PARP4: variants seen among roughly 807,000 people sequenced by gnomAD.
PARP4 encodes protein mono-ADP-ribosyltransferase PARP4.
In PARP4, 120 loss-of-function variants were observed where a neutral mutation model predicts 187.7. The observed-to-expected ratio is 0.64, with a 90% CI of 0.55 to 0.74. The LOEUF (loss-of-function observed/expected upper bound fraction) is 0.74, where lower values mean the gene tolerates loss of function less well. PARP4 is among the 30% of genes least tolerant of loss of function. The pLI is 0.00. For missense variants in PARP4, 1,836 were observed against 2,070.5 expected (o/e 0.89, Z 2.20); for synonymous variants, 654 against 740.9 (o/e 0.88, Z 1.90).
At position 24,469,901 on chromosome 13, in the gene PARP4, A is replaced by T; in HGVS notation, c.2039T>A (p.Val680Asp). The change falls in exon 16 of 34, where the codon GTT (valine) becomes GAT (aspartate). Residue 680 changes from valine to aspartate, a missense_variant. This residue lies in a region of PARP4 where 1,147 missense variants were observed against 1,214.2 expected (regional missense o/e 0.94). Coordinates refer to ENST00000381989, the MANE Select transcript of PARP4 (RefSeq NM_006437.4). ...TGCATCTTCTTGCCTTACCTCTCCAACTATGTGCTTCCCATTGATGAAGGC... is the reference window on the plus strand; with the variant it reads ...TGCATCTTCTTGCCTTACCTCTCCATCTATGTGCTTCCCATTGATGAAGGC... ...FEAFINGKHI[V>D]GEIKEKEEAQ... 1 of 1,613,440 alleles carries T rather than the reference A, an allele frequency of 6.2e-7. No homozygotes were observed. The highest frequency in any genetic ancestry group is 8.5e-7 in the Non-Finnish European group (1 of 1,179,598).
intron 9 of PARP4, among the ~76,000 whole-genome samples, chr13:24,491,304 T>C (rs1204866849): frequency 1.3e-5 from 2 of 152,120 alleles, no homozygotes; most frequent in East Asian, 3.9e-4. Context: ...GTATTTTTAA[T>C]AGAGATGGGG....
At chr13:24,511,803 C>G (rs1399020257) in intron 1 of PARP4, among the ~76,000 whole-genome samples, 1 of 152,238 alleles carries the variant, frequency 6.6e-6, no homozygotes, top group Admixed American at 6.5e-5. Flanking sequence ...CCCAGGATTA[C>G]AGAAAAGCCT....
At position 24,475,602 on chromosome 13, in the gene PARP4, C is replaced by A. The variant is rs544699127; in HGVS notation, c.1790-6G>T. ...GGCATCTGGTAACTGGTAATCTAAA[C>A]GTTAAAAATGTTACTATTAGCTTTC... On this transcript the variant is annotated splice_region_variant and splice_polypyrimidine_tract_variant and intron_variant, in intron 14 of 33. Coordinates refer to ENST00000381989, the MANE Select transcript of PARP4 (RefSeq NM_006437.4). The A allele has an allele frequency of 1.2e-6, 2 of 1,613,550 alleles. No homozygotes were observed. Among genetic ancestry groups the A allele is most frequent in the Admixed American group, 1.7e-5 (1 of 59,970 alleles).
chr13:24,447,469 T>TC (rs1222979039), intron 25 of PARP4, among the ~76,000 whole-genome samples: 1 of 152,236 alleles, frequency 6.6e-6, no homozygotes, highest in African/African-American at 2.4e-5. Flanking sequence ...CAAGTGATTT[T>TC]CCTGCCTCAG....
intron 15 of PARP4, among the ~76,000 whole-genome samples, chr13:24,472,509 C>T (rs960978579): frequency 6.6e-6 from 1 of 152,220 alleles, no homozygotes; most frequent in African/African-American, 2.4e-5. Context: ...AACATCATGG[C>T]ACTGTACTTG....
chr13:24,497,133 A>G (rs1869001287), intron 6 of PARP4, among the ~76,000 whole-genome samples: 1 of 152,160 alleles, frequency 6.6e-6, no homozygotes, highest in Non-Finnish European at 1.5e-5. Context: ...TTAATTCTAA[A>G]TTTATTTTTG....
chr13:24,457,782 AAAAAAAAAAAAAAAG>A (rs1444909280), intron 20 of PARP4, among the ~76,000 whole-genome samples: 139 of 116,428 alleles, frequency 1.2e-3, no homozygotes, highest in African/African-American at 4.4e-3. Context: ...AAAAAAAAAA[AAAAAAAAAAAAAAAG>A]AAAAAAGAAA....
Position 24,494,701 on chromosome 13 carries a change from T to G in PARP4, c.613A>C (p.Lys205Gln). ...TCACTTGCATCTTCAGAGGTTTTCT[T>G]TATAGCAAACTGTCTTCTAGTCTGT... ...GMETRRQFAI[K>Q]KTSEDASEYF... The change falls in exon 7 of 34, where the codon AAG (lysine) becomes CAG (glutamine). Residue 205 changes from lysine to glutamine, a missense_variant. Lys to Gln is a moderately conservative substitution (Grantham distance 53, BLOSUM62 1). Coordinates refer to ENST00000381989, the MANE Select transcript of PARP4 (RefSeq NM_006437.4). 6.2e-7 allele frequency: 1 copy of G among 1,606,610 alleles called. No homozygotes were observed. Among genetic ancestry groups the G allele is most frequent in the Non-Finnish European group, 8.5e-7 (1 of 1,174,832 alleles).
chr13:24,512,690 C>T lies in PARP4; in HGVS notation c.-2+16G>A, dbSNP rs1369781656. On this transcript the variant is annotated intron_variant, in intron 1 of 33. Coordinates refer to ENST00000381989, the MANE Select transcript of PARP4 (RefSeq NM_006437.4). The stretch of plus-strand genomic sequence containing the variant: ...CAGGGACCTTTGCAGCCCCCCACCC[C>T]GCAGCGCCCACGCACCTGCCTAGAG... 1 of 152,682 alleles carries T rather than the reference C, an allele frequency of 6.5e-6. No homozygotes were observed. Among genetic ancestry groups the T allele is most frequent in the Non-Finnish European group, 1.5e-5 (1 of 68,414 alleles). The allele number at this position is 152,682 out of a possible 1,614,324, so 9.5% of individuals were successfully genotyped here.
Position 24,434,638 on chromosome 13 carries a change from T to G in PARP4, c.4503A>C (p.Leu1501=), listed in dbSNP as rs772255110. The part of the protein sequence containing the change: ...SRTTPVDLCL[L]EESVGSLEGS... ...CTTCGAGACTGCCTACTGATTCTTC[T>G]AGAAGACAGAGATCTACTGGGGTAG... is the stretch of plus-strand genomic sequence containing the variant. The change falls in exon 31 of 34, where the codon CTA becomes CTC. Residue 1501 remains leucine (L), a synonymous_variant. Coordinates refer to ENST00000381989, the MANE Select transcript of PARP4 (RefSeq NM_006437.4). The G allele has an allele frequency of 3.1e-6, 5 of 1,613,310 alleles. No homozygotes were observed. In the Admixed American group the frequency reaches 8.3e-5, roughly 27 times the overall value.
chr13:24,497,541 G>A (rs902816960), intron 6 of PARP4, among the ~76,000 whole-genome samples: 1 of 152,086 alleles, frequency 6.6e-6, no homozygotes, highest in African/African-American at 2.4e-5. Flanking sequence ...CCTTCTAGCG[G>A]GACCCTGTGC....
chr13:24,464,928 G>C (rs772302771), intron 17 of PARP4, among the ~76,000 whole-genome samples: 42 of 151,222 alleles, frequency 2.8e-4, no homozygotes, highest in Non-Finnish European at 4.1e-4. Flanking sequence ...AATCTACAAG[G>C]AACTTAAACA....
intron 30 of PARP4, among the ~76,000 whole-genome samples, chr13:24,440,001 C>T (rs1870837402): frequency 2.0e-5 from 3 of 152,220 alleles, no homozygotes; most frequent in Admixed American, 1.3e-4. Flanking sequence ...CTGAATGCAC[C>T]TCCTACTACT....
chr13:24,501,315 T>A (rs1869267837), intron 3 of PARP4, among the ~76,000 whole-genome samples: 1 of 152,194 alleles, frequency 6.6e-6, no homozygotes, highest in South Asian at 2.1e-4. Context: ...AAATTTCCAG[T>A]CATTAGGTTG....
rs1389624630 is a variant in PARP4 at position 24,456,338 on chromosome 13, T to C, written c.2562+3A>G. The stretch of plus-strand genomic sequence containing the variant: ...TCCTATGTCTAAGTAAAAAGGAGTA[T>C]ACCTCGCTTTCTTTTTCTGGATGTT... On this transcript the variant is annotated splice_donor_region_variant and intron_variant, in intron 21 of 33. Transcript: ENST00000381989. The C allele has an allele frequency of 5.6e-6, 9 of 1,606,118 alleles. No individual in the cohort carries two copies. The highest frequency in any genetic ancestry group is 1.7e-5 in the Admixed American group (1 of 59,922).
At chr13:24,503,866 T>A in intron 1 of PARP4, 89 bp from the exon 2 acceptor site, 1 of 1,148,902 alleles carries the variant, frequency 8.7e-7, no homozygotes, top group African/African-American at 1.5e-5. Context: ...GTGGGAAAAT[T>A]GGGCATTATC....
chr13:24,428,062 G>C (rs1313232323), intron 32 of PARP4, among the ~76,000 whole-genome samples: 1 of 152,076 alleles, frequency 6.6e-6, no homozygotes, highest in African/African-American at 2.4e-5. Flanking sequence ...TGGGTACAGA[G>C]ATATAAAAAC....
intron 11 of PARP4, 82 bp downstream of exon 11, chr13:24,486,086 G>C (rs1385786217): frequency 7.6e-7 from 1 of 1,320,534 alleles, no homozygotes; most frequent in Non-Finnish European, 1.1e-6. Context: ...ACGTAATATA[G>C]AAAAAAGTAG....
chr13:24,452,059 T>C (rs926406094), intron 24 of PARP4: 1 of 181,568 alleles, frequency 5.5e-6, no homozygotes, highest in African/African-American at 2.3e-5. Context: ...TGCTAAATAA[T>C]AACATCTAAC....
Sources: allele counts gnomAD v4.1 joint callset (sites outside exome capture counted in the v4.1 genomes callset), GRCh38; gene constraint gnomAD v4.1.1; regional missense constraint gnomAD v4.1.1; transcripts MANE v1.5; gene names NCBI Gene and HGNC (gene_info 2026-07-23, HGNC 2026-07-21).